The following MYLK variants were observed in gnomAD, a reference collection of about 807,000 sequenced individuals.
MYLK encodes the protein myosin light chain kinase, smooth muscle.
Under a neutral mutation model 203.4 loss-of-function variants are expected in MYLK, and 106 were observed. That is an observed-to-expected ratio of 0.52 (90% confidence interval 0.45 to 0.61). MYLK has a LOEUF of 0.61. Among genes scored for constraint, MYLK ranks in the 20% least tolerant of loss-of-function variants. The pLI, the probability that MYLK is intolerant of heterozygous loss-of-function variation, is 0.00. For missense variants in MYLK, 2,072 were observed against 2,442.3 expected (o/e 0.85, Z 3.20); for synonymous variants, 867 against 959.5 (o/e 0.90, Z 1.78).
At chr3:123,682,390 C>T (rs1448933560) in intron 19 of MYLK, 80 bp from the exon 20 acceptor site, 2 of 1,116,736 alleles carry the variant, frequency 1.8e-6, no homozygotes, top group East Asian at 2.6e-5. Flanking sequence ...AAAATCCCAC[C>T]TCAGCCAAAC....
chr3:123,614,114 T>C lies in MYLK; in HGVS notation c.5736A>G (p.Glu1912=), dbSNP rs112548238. 3.1e-6 allele frequency: 5 copies of C among 1,614,018 alleles called. No homozygotes were observed. Among genetic ancestry groups the C allele is most frequent in the African/African-American group, 1.3e-5 (1 of 74,992 alleles). The part of the protein sequence containing the change: ...MEEGEGEGEE[E]EE ...TTTCTCTGGCTTTGTTTCACTCTTC[T>C]TCCTCTTCCCCTTCCCCTTCACCTT... The change falls in exon 34 of 34, where the codon GAA becomes GAG. Residue 1912 remains glutamate, a synonymous_variant. Coordinates refer to ENST00000360304, the MANE Select transcript of MYLK (RefSeq NM_053025.4).
At chr3:123,705,924 C>T (rs1042174800) in intron 16 of MYLK, among the ~76,000 whole-genome samples, 1 of 152,202 alleles carries the variant, frequency 6.6e-6, no homozygotes, top group Non-Finnish European at 1.5e-5. Flanking sequence ...GGTATTTTTA[C>T]ACATCATCGG....
chr3:123,841,118 G>A (rs143136044), intron 2 of MYLK, among the ~76,000 whole-genome samples: 231 of 152,132 alleles, frequency 1.5e-3, no homozygotes, highest in African/African-American at 5.0e-3. Context: ...TCTTACTACC[G>A]GACCTCTGGA....
At chr3:123,733,631 G>C (rs2062564656) in intron 10 of MYLK, 56 bp downstream of exon 10, 3 of 1,600,990 alleles carry the variant, frequency 1.9e-6, no homozygotes, top group Non-Finnish European at 2.6e-6. Context: ...AAGGAAGGGA[G>C]TGGCCACCAA....
rs1237376790 is a variant in MYLK, at chr3:123,648,453, CATTTT to C, written c.4415+513_4415+517del. Among the ~76,000 whole-genome samples the C allele has an allele frequency of 6.6e-6, 1 of 152,238 alleles. No individual in the cohort carries two copies. Among genetic ancestry groups the C allele is most frequent in the Non-Finnish European group, 1.5e-5 (1 of 68,050 alleles). ...CAAAGATAATCTGATCCAGTCCTCT[CATTTT>C]ATTTTATTTTAAAAATTATTTTATT... On this transcript the variant is annotated intron_variant, in intron 26 of 33. Transcript: ENST00000360304. The surrounding 1 kb of genome is among the most constrained non-coding windows in gnomAD (Gnocchi z 4.5).
chr3:123,636,473 C>T (rs1470097645), intron 29 of MYLK, among the ~76,000 whole-genome samples: 5 of 152,274 alleles, frequency 3.3e-5, no homozygotes, highest in African/African-American at 9.6e-5. Context: ...GTCTCCATGA[C>T]GGCTGGAGGG....
chr3:123,797,434 T>C (rs2065028384), intron 3 of MYLK, among the ~76,000 whole-genome samples: 1 of 152,150 alleles, frequency 6.6e-6, no homozygotes, highest in Non-Finnish European at 1.5e-5. Context: ...TTGTTGTTTG[T>C]GTGGCGACCG....
chr3:123,712,825 T>A (rs1965292), intron 13 of MYLK, among the ~76,000 whole-genome samples: 7,629 of 152,264 alleles, frequency 0.05, 1,068 homozygotes, highest in East Asian at 0.45. Context: ...TAGGTAAAAA[T>A]ACTTTGTACA....
chr3:123,622,628 T>G (rs1212166083), intron 31 of MYLK: 1 of 152,218 alleles, frequency 6.6e-6, no homozygotes, highest in Non-Finnish European at 1.5e-5. Flanking sequence ...GTAGTAAATA[T>G]ATTAACAAAT....
At chr3:123,747,653 C>G (rs2063062698) in intron 5 of MYLK, among the ~76,000 whole-genome samples, 1 of 152,206 alleles carries the variant, frequency 6.6e-6, no homozygotes, top group Admixed American at 6.5e-5. Flanking sequence ...TGCTCCAGAC[C>G]TATGGAATCA....
At chr3:123,813,356 AATTC>A (rs987809989) in intron 3 of MYLK, among the ~76,000 whole-genome samples, 21 of 152,294 alleles carry the variant, frequency 1.4e-4, no homozygotes, top group African/African-American at 4.8e-4. Context: ...GTTAAATATG[AATTC>A]TAGCCACATG....
Position 123,664,260 on chromosome 3 carries a change from T to G in MYLK, c.3832-2A>C. On this transcript the variant is annotated splice_acceptor_variant, in intron 22 of 33. Coordinates refer to ENST00000360304, the MANE Select transcript of MYLK (RefSeq NM_053025.4). LOFTEE classifies it high-confidence loss of function. ...CTTCATGTGCTCGCTTTCCTGGATC[T>G]AGGGGCGGAGGATGGAGCAGGTGCT... 1 of 1,614,126 alleles carries G rather than the reference T, an allele frequency of 6.2e-7. No individual in the cohort carries two copies. Among genetic ancestry groups the G allele is most frequent in the Non-Finnish European group, 8.5e-7 (1 of 1,180,010 alleles).
At chr3:123,878,833 G>C (rs12629831) in intron 1 of MYLK, among the ~76,000 whole-genome samples, 15,276 of 152,124 alleles carry the variant, frequency 0.1, 1,190 homozygotes, top group East Asian at 0.36. Context: ...ATTACAGGAG[G>C]CTGCCATCAC....
At chr3:123,652,435 T>C (rs2059246658) in intron 24 of MYLK, among the ~76,000 whole-genome samples, 1 of 152,126 alleles carries the variant, frequency 6.6e-6, no homozygotes, top group Admixed American at 6.5e-5. Context: ...ATCAGCTGAG[T>C]GCTCAGGACC....
intron 9 of MYLK, chr3:123,734,454 T>A: frequency 2.1e-6 from 1 of 466,070 alleles, no homozygotes; most frequent in Non-Finnish European, 3.7e-6. Flanking sequence ...CCCAGAGCCC[T>A]GCTTTCCCTA....
rs1353650030 is a variant in MYLK, at chr3:123,700,918, C to T, written c.2550G>A (p.Arg850=). The T allele has an allele frequency of 1.9e-6, 3 of 1,612,078 alleles. No homozygotes were observed. Among genetic ancestry groups the T allele is most frequent in the Admixed American group, 1.7e-5 (1 of 60,018 alleles). ...CCTGCCCTCTTGCTGGCCAGCCAGG[C>T]CTCAGGGACCCATAGCGGTCACTAC... ...GGGSDRYGSL[R]PGWPARGQGW... The change falls in exon 18 of 34, where the codon AGG becomes AGA. Residue 850 remains arginine, a synonymous_variant. Coordinates refer to ENST00000360304, the MANE Select transcript of MYLK (RefSeq NM_053025.4).
chr3:123,838,789 T>C (rs2066527466), intron 2 of MYLK, among the ~76,000 whole-genome samples: 1 of 152,024 alleles, frequency 6.6e-6, no homozygotes, highest in African/African-American at 2.4e-5. Flanking sequence ...ATAGTGGAGA[T>C]AAAATGAAAT....
intron 1 of MYLK, 40 bp downstream of exon 1, chr3:123,884,166 G>A (rs1166111060): frequency 1.3e-5 from 2 of 151,442 alleles, no homozygotes; most frequent in Admixed American, 6.6e-5. Context: ...TGACTTCCAG[G>A]GCCCGCGCCT....
intron 3 of MYLK, among the ~76,000 whole-genome samples, chr3:123,830,634 T>C (rs1426585756): frequency 6.6e-6 from 1 of 152,116 alleles, no homozygotes; most frequent in African/African-American, 2.4e-5. Context: ...CTTCTCACTT[T>C]CTTTGTTTCA....
Sources: allele counts gnomAD v4.1 joint callset (sites outside exome capture counted in the v4.1 genomes callset), GRCh38; gene constraint gnomAD v4.1.1; non-coding constraint Gnocchi (gnomAD v3.1); transcripts MANE v1.5; gene names NCBI Gene and HGNC (gene_info 2026-07-23, HGNC 2026-07-21).